Variants in CTNNA3 observed in about 807,000 individuals in gnomAD.
CTNNA3 encodes catenin alpha 3, also known as catenin alpha-3.
Under a neutral mutation model 95.7 loss-of-function variants are expected in CTNNA3, and 76 were observed. The observed-to-expected ratio is 0.79, with a 90% CI of 0.66 to 0.96. The LOEUF (loss-of-function observed/expected upper bound fraction) is 0.96, where lower values mean the gene tolerates loss of function less well. CTNNA3 is among the 40% of genes least tolerant of loss of function. The pLI is 0.00. For missense variants in CTNNA3, 1,191 were observed against 1,089.8 expected, an observed-to-expected ratio of 1.09 and a Z score of -1.31; for synonymous variants, 431 against 374.4, an observed-to-expected ratio of 1.15 and a Z score of -1.74.
chr10:66,436,390 A>T lies in CTNNA3; in HGVS notation c.1532-57038T>A, dbSNP rs181947508. On this transcript the variant is annotated intron_variant, in intron 11 of 17. Coordinates refer to ENST00000433211, the MANE Select transcript of CTNNA3 (RefSeq NM_013266.4). ...GTGTGCACATATATTTAAGATATTT[A>T]ACTCTTCTTGTTGCATTGATCCCTC... Among the ~76,000 whole-genome samples the T allele has an allele frequency of 1.9e-4, 29 of 151,824 alleles. No homozygotes were observed. In the East Asian group the frequency reaches 5.2e-3, roughly 27 times the overall value.
chr10:65,976,180 C>A (rs1004712076), intron 16 of CTNNA3, among the ~76,000 whole-genome samples: 35 of 152,072 alleles, frequency 2.3e-4, no homozygotes, highest in African/African-American at 7.2e-4. Context: ...AGTCTTCTTG[C>A]CAATTTTATC....
chr10:67,509,501 T>A (rs753239996), intron 5 of CTNNA3, among the ~76,000 whole-genome samples: 2 of 152,154 alleles, frequency 1.3e-5, no homozygotes, highest in Non-Finnish European at 1.5e-5. Context: ...TTCATGCATG[T>A]CCCTGCAAAG....
chr10:67,566,041 G>GTATATA (rs1388066358), intron 3 of CTNNA3, among the ~76,000 whole-genome samples: 1,592 of 29,352 alleles, frequency 0.054, 108 homozygotes, highest in East Asian at 0.095. Context: ...ATATGTGTGT[G>GTATATA]TGTATATATA....
At chr10:67,488,431 G>A (rs922988321) in intron 5 of CTNNA3, among the ~76,000 whole-genome samples, 10 of 151,864 alleles carry the variant, frequency 6.6e-5, no homozygotes, top group Non-Finnish European at 1.3e-4. Context: ...GTGTAGTGGC[G>A]CAATCTTGGC....
At chr10:66,309,638 A>T (rs2091980586) in intron 12 of CTNNA3, among the ~76,000 whole-genome samples, 1 of 135,192 alleles carries the variant, frequency 7.4e-6, no homozygotes, top group African/African-American at 2.8e-5. Context: ...GTGAGCTGAG[A>T]TCGCGCCACT....
intron 7 of CTNNA3, among the ~76,000 whole-genome samples, chr10:67,104,739 A>G (rs866548023): frequency 6.6e-6 from 1 of 152,006 alleles, no homozygotes; most frequent in Non-Finnish European, 1.5e-5. Context: ...TCCATGAAAA[A>G]CATACTTCTA....
chr10:65,949,161 A>G (rs1473098902), intron 17 of CTNNA3, among the ~76,000 whole-genome samples: 2 of 152,154 alleles, frequency 1.3e-5, no homozygotes, highest in Non-Finnish European at 2.9e-5. Context: ...TTGCTTATTC[A>G]TCTCTGCGGT....
chr10:67,450,165 T>C (rs1370742942), intron 5 of CTNNA3, among the ~76,000 whole-genome samples: 1 of 152,168 alleles, frequency 6.6e-6, no homozygotes, highest in Admixed American at 6.5e-5. Flanking sequence ...GGTCAAGTTG[T>C]GGTAAAAAGG....
chr10:66,493,675 C>A (rs1296596017), intron 11 of CTNNA3, among the ~76,000 whole-genome samples: 1 of 146,370 alleles, frequency 6.8e-6, no homozygotes, highest in Non-Finnish European at 1.5e-5. Context: ...GCGTGATCTC[C>A]GGTCACTACA....
chr10:66,835,906 A>T (rs2132333452), intron 7 of CTNNA3, among the ~76,000 whole-genome samples: 1 of 152,186 alleles, frequency 6.6e-6, no homozygotes, highest in Non-Finnish European at 1.5e-5. Context: ...GTGGGGCCAG[A>T]TAATTTGCAT....
intron 16 of CTNNA3, among the ~76,000 whole-genome samples, chr10:65,969,601 A>T (rs916533768): frequency 1.3e-5 from 2 of 152,208 alleles, no homozygotes; most frequent in African/African-American, 4.8e-5. Flanking sequence ...TCTGGAATTA[A>T]AAAACTAATT....
chr10:66,747,503 T>C (rs1212896574), intron 9 of CTNNA3, among the ~76,000 whole-genome samples: 2 of 152,202 alleles, frequency 1.3e-5, no homozygotes, highest in African/African-American at 2.4e-5. Flanking sequence ...GCTTTATAGC[T>C]GTGAATTTTC....
intron 10 of CTNNA3, among the ~76,000 whole-genome samples, chr10:66,612,605 T>G (rs1844365904): frequency 6.6e-6 from 1 of 152,096 alleles, no homozygotes; most frequent in South Asian, 2.1e-4. Flanking sequence ...TTCTGAGCTT[T>G]CTGGCCTCCC....
At chr10:67,149,252 T>C (rs1860976958) in intron 7 of CTNNA3, among the ~76,000 whole-genome samples, 2 of 152,140 alleles carry the variant, frequency 1.3e-5, no homozygotes, top group Admixed American at 1.3e-4. Flanking sequence ...AATGCAATTC[T>C]TGTCTTCTTC....
At chr10:67,483,775 T>A (rs1186290375) in intron 5 of CTNNA3, among the ~76,000 whole-genome samples, 8 of 131,398 alleles carry the variant, frequency 6.1e-5, no homozygotes, top group East Asian at 2.2e-4. Flanking sequence ...AAAATAAAAA[T>A]TAAAAAAAAA....
chr10:66,523,081 A>G (rs1321330391), intron 10 of CTNNA3, among the ~76,000 whole-genome samples: 1 of 152,198 alleles, frequency 6.6e-6, no homozygotes, highest in Admixed American at 6.5e-5. Flanking sequence ...AACTTTAGAA[A>G]TAACTACTGT....
At chr10:67,288,240 G>A (rs1035415251) in intron 5 of CTNNA3, among the ~76,000 whole-genome samples, 2 of 152,172 alleles carry the variant, frequency 1.3e-5, no homozygotes, top group Admixed American at 6.5e-5. Context: ...TAATCATTAA[G>A]TAAAGTTAAG....
intron 7 of CTNNA3, among the ~76,000 whole-genome samples, chr10:66,798,400 A>G (rs1841296472): frequency 6.6e-6 from 1 of 151,864 alleles, no homozygotes; most frequent in South Asian, 2.1e-4. Flanking sequence ...AAGTTTCTGT[A>G]AAGAAAGATA....
intron 3 of CTNNA3, among the ~76,000 whole-genome samples, chr10:67,543,693 G>T (rs1024236115): frequency 3.3e-5 from 5 of 151,980 alleles, no homozygotes; most frequent in African/African-American, 1.2e-4. Context: ...CATGGTAAAA[G>T]GTTTATATCA....
Sources: allele counts gnomAD v4.1 joint callset (sites outside exome capture counted in the v4.1 genomes callset), GRCh38; gene constraint gnomAD v4.1.1; transcripts MANE v1.5; gene names NCBI Gene and HGNC (gene_info 2026-07-23, HGNC 2026-07-21).